The following TMEM117 variants were observed in gnomAD, a reference collection of about 807,000 sequenced individuals.
The protein encoded by TMEM117 is transmembrane protein 117.
Under a neutral mutation model 52.4 loss-of-function variants are expected in TMEM117, and 27 were observed. The observed-to-expected ratio is 0.51, with a 90% CI of 0.38 to 0.71. The LOEUF (loss-of-function observed/expected upper bound fraction) is 0.71. Among genes scored for constraint, TMEM117 ranks in the 30% least tolerant of loss-of-function variants. The probability of loss-of-function intolerance (pLI) is 0.00; values close to 1 mark genes in which losing one functional copy is unlikely to be tolerated. For synonymous variants in TMEM117, 215 were observed against 206.3 expected (o/e 1.04, Z -0.36); for missense variants, 556 against 630.5 (o/e 0.88, Z 1.26).
chr12:44,152,570 T>C (rs1361862921), intron 4 of TMEM117, among the ~76,000 whole-genome samples: 1 of 122,948 alleles, frequency 8.1e-6, no homozygotes, highest in African/African-American at 3.3e-5. Flanking sequence ...TTATATCATA[T>C]AAATTTATAT....
At chr12:44,287,923 T>C (rs1225107512) in intron 5 of TMEM117, among the ~76,000 whole-genome samples, 1 of 152,214 alleles carries the variant, frequency 6.6e-6, no homozygotes, top group Non-Finnish European at 1.5e-5. Flanking sequence ...TAATTGGTGG[T>C]TAATTTGTAT....
At chr12:44,106,977 G>C (rs1947966594) in intron 3 of TMEM117, among the ~76,000 whole-genome samples, 1 of 151,790 alleles carries the variant, frequency 6.6e-6, no homozygotes, top group African/African-American at 2.4e-5. Flanking sequence ...GCATTCATAA[G>C]AGGTCATCCT....
chr12:44,296,700 G>C (rs567429459), intron 5 of TMEM117, among the ~76,000 whole-genome samples: 3 of 152,316 alleles, frequency 2.0e-5, no homozygotes, highest in Admixed American at 2.0e-4. Flanking sequence ...GTCCCTGTGT[G>C]GGAAGAAATG....
intron 2 of TMEM117, among the ~76,000 whole-genome samples, chr12:43,896,945 A>T (rs925557899): frequency 6.6e-6 from 1 of 152,222 alleles, no homozygotes. Flanking sequence ...GAAGCTGCTC[A>T]AGAGAACAAA....
downstream of TMEM117, chr12:44,389,877 T>C: frequency 6.6e-6 from 1 of 152,118 alleles, no homozygotes; most frequent in East Asian, 1.9e-4. Flanking sequence ...GCCAACTTGC[T>C]TTCAATTTTG....
intron 3 of TMEM117, among the ~76,000 whole-genome samples, chr12:44,136,561 T>C (rs1386797533): frequency 2.0e-5 from 3 of 152,120 alleles, no homozygotes; most frequent in African/African-American, 7.2e-5. Flanking sequence ...GGAATATATT[T>C]TGTTTCCTTT....
chr12:44,398,776 A>G, the TMEM117 span, among the ~76,000 whole-genome samples: 4 of 152,248 alleles, frequency 2.6e-5, no homozygotes, highest in East Asian at 7.7e-4. Flanking sequence ...AATGCCAAAG[A>G]ATAATGCTTT....
intron 6 of TMEM117, among the ~76,000 whole-genome samples, chr12:44,359,896 C>T (rs1351709887): frequency 6.6e-6 from 1 of 152,104 alleles, no homozygotes; most frequent in African/African-American, 2.4e-5. Flanking sequence ...TTTGTCTGTG[C>T]ACAAACAAGT....
intron 2 of TMEM117, among the ~76,000 whole-genome samples, chr12:43,887,186 G>A (rs186332372): frequency 6.6e-6 from 1 of 152,262 alleles, no homozygotes; most frequent in African/African-American, 2.4e-5. Flanking sequence ...TTGGGTGGCT[G>A]CACCTGCTGT....
intron 2 of TMEM117, among the ~76,000 whole-genome samples, chr12:43,934,694 C>T (rs80251371): frequency 0.012 from 1,775 of 152,100 alleles, 42 homozygotes; most frequent in East Asian, 0.07. Flanking sequence ...GATATTCTGT[C>T]AAATTCAGTG....
At chr12:43,890,964 C>T (rs567394288) in intron 2 of TMEM117, among the ~76,000 whole-genome samples, 8 of 151,836 alleles carry the variant, frequency 5.3e-5, no homozygotes, top group South Asian at 4.2e-4. Flanking sequence ...GAGGAAATCT[C>T]GGCAGAAAAA....
At position 44,041,739 on chromosome 12, in the gene TMEM117, G is replaced by A. The variant is rs150240736; in HGVS notation, c.410+97397G>A. ...ATTCCTCAAAAAATATTAGCAAATC[G>A]AGTCCAGGAGCACAGCAAAAAGCCA... On this transcript the variant is annotated intron_variant, in intron 3 of 7. Transcript: ENST00000266534. Among the ~76,000 whole-genome samples, 518 of 152,192 alleles carry A rather than the reference G, an allele frequency of 3.4e-3. 2 individuals carry two copies. The highest frequency in any genetic ancestry group is 5.9e-3 in the Non-Finnish European group (400 of 68,010).
At chr12:44,096,645 A>G (rs1422630371) in intron 3 of TMEM117, among the ~76,000 whole-genome samples, 3 of 151,954 alleles carry the variant, frequency 2.0e-5, no homozygotes, top group Non-Finnish European at 2.9e-5. Context: ...TGGTGCTGGG[A>G]AAACTGACTA....
chr12:44,281,647 C>T (rs1460990253), intron 5 of TMEM117, among the ~76,000 whole-genome samples: 1 of 152,078 alleles, frequency 6.6e-6, no homozygotes, highest in African/African-American at 2.4e-5. Context: ...GTACTTTTAA[C>T]AACAGGTAAA....
At chr12:44,229,772 T>C (rs1246578284) in intron 5 of TMEM117, among the ~76,000 whole-genome samples, 1 of 152,158 alleles carries the variant, frequency 6.6e-6, no homozygotes, top group Non-Finnish European at 1.5e-5. Flanking sequence ...ATTTAACAAG[T>C]GTTAGCTTTA....
chr12:43,818,585 C>T, the TMEM117 span, among the ~76,000 whole-genome samples: 1 of 152,084 alleles, frequency 6.6e-6, no homozygotes, highest in Non-Finnish European at 1.5e-5. Context: ...GGACTACAGG[C>T]GTGTGCCATT....
At chr12:44,305,138 G>A (rs1805467794) in intron 6 of TMEM117, among the ~76,000 whole-genome samples, 1 of 152,180 alleles carries the variant, frequency 6.6e-6, no homozygotes, top group Non-Finnish European at 1.5e-5. Flanking sequence ...TGACTAAACA[G>A]CCATTGGATC....
chr12:44,347,168 A>T (rs1316970404), intron 6 of TMEM117, among the ~76,000 whole-genome samples: 1 of 152,098 alleles, frequency 6.6e-6, no homozygotes, highest in African/African-American at 2.4e-5. Context: ...CCTATATTGT[A>T]ACCTTTTATT....
At chr12:44,037,301 C>A (rs1379703387) in intron 3 of TMEM117, among the ~76,000 whole-genome samples, 1 of 152,178 alleles carries the variant, frequency 6.6e-6, no homozygotes, top group Admixed American at 6.5e-5. Context: ...CCTGGGAAGC[C>A]CCCCTTCCCT....
Sources: gnomAD v4.1 joint callset for allele counts (sites outside exome capture counted in the v4.1 genomes callset) on GRCh38, gnomAD v4.1.1 for gene constraint, MANE v1.5 for transcripts, NCBI Gene and HGNC (gene_info 2026-07-23, HGNC 2026-07-21) for gene names.